The following MON2 variants were observed in gnomAD, a reference collection of about 807,000 sequenced individuals.
MON2 encodes protein MON2 homolog.
Under a neutral mutation model 208.6 loss-of-function variants are expected in MON2, and 84 were observed. That is an observed-to-expected ratio of 0.40 (90% CI 0.34 to 0.48). The LOEUF (loss-of-function observed/expected upper bound fraction) is 0.48, where lower values mean the gene tolerates loss of function less well. Ranked by LOEUF, MON2 falls within the 20% of genes least tolerant of loss-of-function variation. The pLI is 0.59. For synonymous variants in MON2, 660 were observed against 694.0 expected, an observed-to-expected ratio of 0.95 and a Z score of 0.77; for missense variants, 1,611 against 2,015.4, an observed-to-expected ratio of 0.80 and a Z score of 3.84.
At chr12:62,511,992 A>G (rs369423081) in intron 8 of MON2, among the ~76,000 whole-genome samples, 2 of 151,034 alleles carry the variant, frequency 1.3e-5, no homozygotes, top group African/African-American at 4.9e-5. Flanking sequence ...ATGCAGGGAA[A>G]CCCCCCTTTT....
At chr12:62,516,082 C>G (rs1470823030) in intron 8 of MON2, among the ~76,000 whole-genome samples, 1 of 152,120 alleles carries the variant, frequency 6.6e-6, no homozygotes, top group Non-Finnish European at 1.5e-5. Context: ...GAGTACTATT[C>G]AACCATAAAA....
At chr12:62,586,783 A>T (rs2075233120) in intron 33 of MON2, among the ~76,000 whole-genome samples, 1 of 152,118 alleles carries the variant, frequency 6.6e-6, no homozygotes, top group Non-Finnish European at 1.5e-5. Flanking sequence ...GAACATATTT[A>T]TATATTATAA....
In MON2 at chr12:62,466,964, C is replaced by T. The variant is rs895616768; in HGVS notation, c.-244C>T. The T allele has an allele frequency of 1.9e-6, 1 of 518,640 alleles. No individual in the cohort carries two copies. Among genetic ancestry groups the T allele is most frequent in the South Asian group, 2.7e-5 (1 of 37,644 alleles). The allele number at this position is 518,640 out of a possible 1,614,324, so 32.1% of individuals were successfully genotyped here. A position where few individuals can be genotyped will look rare whatever the true frequency, so the allele number is the denominator to read the frequency against. Reference sequence around the variant, plus strand: ...CCTGCCCGCCTTGTGGGTTTCTCGGCCAGAGTCGGCGGAGCCTAGCGGGAC... The same window carrying T: ...CCTGCCCGCCTTGTGGGTTTCTCGGTCAGAGTCGGCGGAGCCTAGCGGGAC... On this transcript the variant is annotated 5_prime_UTR_variant, in exon 1 of 35. Transcript: ENST00000393630.
chr12:62,498,260 A>C (rs1034966470), intron 4 of MON2, among the ~76,000 whole-genome samples: 1 of 152,212 alleles, frequency 6.6e-6, no homozygotes, highest in Non-Finnish European at 1.5e-5. Flanking sequence ...TAATCTGTTC[A>C]TATAAAAATC....
intron 32 of MON2, among the ~76,000 whole-genome samples, chr12:62,583,889 G>C (rs1044982876): frequency 4.0e-5 from 6 of 151,054 alleles, no homozygotes; most frequent in African/African-American, 1.5e-4. Context: ...GAACCTGGGA[G>C]GTGGAGGTTG....
rs904375034 is a variant in MON2, at chr12:62,593,068, A to G, written c.*319A>G. ...TGTACAGTTTGTGGTGTATGTGTTA[A>G]TGATGTACTTTTTAAAAAGAAAGAA... On this transcript the variant is annotated 3_prime_UTR_variant, in exon 35 of 35. Transcript: ENST00000393630. 1.0e-4 allele frequency: 19 copies of G among 184,906 alleles called. No homozygotes were observed. Among genetic ancestry groups the G allele is most frequent in the African/African-American group, 4.2e-4 (18 of 42,800 alleles). 11.5% of individuals were successfully genotyped at this position (184,906 alleles called of 1,614,324 possible).
intron 7 of MON2, among the ~76,000 whole-genome samples, chr12:62,503,348 C>G (rs1456244541): frequency 6.6e-6 from 1 of 152,172 alleles, no homozygotes; most frequent in Non-Finnish European, 1.5e-5. Flanking sequence ...CGACCATCAC[C>G]TTCAAAATAT....
chr12:62,573,684 G>A (rs1030852910), intron 30 of MON2, among the ~76,000 whole-genome samples: 4 of 150,516 alleles, frequency 2.7e-5, no homozygotes, highest in Non-Finnish European at 4.4e-5. Context: ...GCTTGTTTTT[G>A]TTTTTCTTGA....
At chr12:62,471,330 G>A (rs989221488) in intron 1 of MON2, among the ~76,000 whole-genome samples, 2 of 152,072 alleles carry the variant, frequency 1.3e-5, no homozygotes, top group Non-Finnish European at 2.9e-5. Context: ...TCACAGGCGC[G>A]TGCCACCACA....
chr12:62,489,198 C>G (rs563813300), intron 2 of MON2, among the ~76,000 whole-genome samples: 1 of 151,888 alleles, frequency 6.6e-6, no homozygotes, highest in African/African-American at 2.4e-5. Context: ...ATACTGCTTT[C>G]CAAAAAGATG....
At chr12:62,498,045 CA>C (rs2136068410) in intron 4 of MON2, among the ~76,000 whole-genome samples, 1 of 133,196 alleles carries the variant, frequency 7.5e-6, no homozygotes, top group Non-Finnish European at 1.6e-5. Context: ...ATGTTCATAG[CA>C]GCTTTTTTTT....
chr12:62,571,853 A>C (rs917970314), intron 30 of MON2, among the ~76,000 whole-genome samples: 2 of 152,268 alleles, frequency 1.3e-5, no homozygotes, highest in Admixed American at 6.5e-5. Context: ...TAACTTAATA[A>C]AACTAAGAAG....
intron 8 of MON2, among the ~76,000 whole-genome samples, chr12:62,512,730 G>A (rs1248484541): frequency 1.3e-5 from 2 of 152,236 alleles, no homozygotes; most frequent in Non-Finnish European, 2.9e-5. Context: ...GGGACTCTGT[G>A]TGGGGGCTCT....
chr12:62,554,721 C>T (rs939791227), intron 24 of MON2, among the ~76,000 whole-genome samples: 1 of 152,220 alleles, frequency 6.6e-6, no homozygotes, highest in African/African-American at 2.4e-5. Flanking sequence ...TTCTCAAACT[C>T]TAGGCTTCAA....
chr12:62,550,647 C>G (rs1357879816), intron 23 of MON2, among the ~76,000 whole-genome samples: 1 of 152,202 alleles, frequency 6.6e-6, no homozygotes, highest in African/African-American at 2.4e-5. Flanking sequence ...TCTACATCAG[C>G]ACTTGCTGCT....
Position 62,556,061 on chromosome 12 carries a change from C to T in MON2, c.3278C>T (p.Ser1093Phe). The T allele has an allele frequency of 6.2e-7, 1 of 1,613,750 alleles. No individual in the cohort carries two copies. The highest frequency in any genetic ancestry group is 8.5e-7 in the Non-Finnish European group (1 of 1,179,882). ...STTADKEKIE[S>F]GGGNILIHHS... ...ACTGCAGACAAAGAAAAGATTGAGT[C>T]TGGAGGTGGCAATATTCTCATTCAT... Residue 1093 changes from serine (S) to phenylalanine (F), a missense_variant, in exon 25 of 35, where the codon TCT becomes TTT. Coordinates refer to ENST00000393630, the MANE Select transcript of MON2 (RefSeq NM_015026.3).
At chr12:62,559,593 C>T (rs981645222) in intron 25 of MON2, among the ~76,000 whole-genome samples, 1 of 152,026 alleles carries the variant, frequency 6.6e-6, no homozygotes, top group Non-Finnish European at 1.5e-5. Flanking sequence ...GACTGGACAA[C>T]ATAGCAAGAT....
At chr12:62,472,293 A>G (rs1242300311) in intron 1 of MON2, among the ~76,000 whole-genome samples, 1 of 152,188 alleles carries the variant, frequency 6.6e-6, no homozygotes, top group African/African-American at 2.4e-5. Flanking sequence ...GGAATATTGC[A>G]TTTCAGATTG....
chr12:62,511,459 C>A (rs531104089), intron 8 of MON2, among the ~76,000 whole-genome samples: 1 of 152,112 alleles, frequency 6.6e-6, no homozygotes. Flanking sequence ...AATAAACTCT[C>A]ATATATATGG....
Sources: gnomAD v4.1 joint callset for allele counts (sites outside exome capture counted in the v4.1 genomes callset) on GRCh38, gnomAD v4.1.1 for gene constraint, MANE v1.5 for transcripts, NCBI Gene and HGNC (gene_info 2026-07-23, HGNC 2026-07-21) for gene names.